GTF2F2: variants seen among roughly 807,000 people sequenced by gnomAD.
The protein encoded by GTF2F2 is ATP-dependent helicase GTF2F2.
In GTF2F2, 23 loss-of-function variants were observed where a neutral mutation model predicts 42.2. The observed-to-expected ratio is 0.55, with a 90% CI of 0.39 to 0.77. The LOEUF is 0.77. Ranked by LOEUF, GTF2F2 falls within the 30% of genes least tolerant of loss-of-function variation. The pLI is 0.00. For synonymous variants in GTF2F2, 105 were observed against 100.8 expected (o/e 1.04, Z -0.25); for missense variants, 261 against 287.2 (o/e 0.91, Z 0.66).
At chr13:45,246,333 T>C (rs1875613649) in intron 5 of GTF2F2, among the ~76,000 whole-genome samples, 1 of 152,114 alleles carries the variant, frequency 6.6e-6, no homozygotes, top group Admixed American at 6.5e-5. Context: ...TTTTAAATTA[T>C]AGCCATTCTT....
rs1466600512 is a variant in GTF2F2, at chr13:45,253,406, T to A, written c.486+436T>A. Among the ~76,000 whole-genome samples, 3 of 152,214 alleles carry A rather than the reference T, an allele frequency of 2.0e-5. No individual in the cohort carries two copies. In the East Asian group the frequency reaches 5.8e-4, roughly 29 times the overall value. ...AAGGTCATGGAACAGCAGTAATTTT[T>A]CTCATTGATTATTAAGATCACTTTG... On this transcript the variant is annotated intron_variant, in intron 6 of 7. Transcript: ENST00000340473.
intron 5 of GTF2F2, among the ~76,000 whole-genome samples, chr13:45,218,406 T>G (rs1873975949): frequency 6.6e-6 from 1 of 152,234 alleles, no homozygotes; most frequent in Non-Finnish European, 1.5e-5. Context: ...TTACAGATTT[T>G]GTTAAACAAG....
intron 2 of GTF2F2, among the ~76,000 whole-genome samples, chr13:45,146,976 A>G (rs1255282591): frequency 6.6e-6 from 1 of 152,254 alleles, no homozygotes; most frequent in Non-Finnish European, 1.5e-5. Flanking sequence ...ATTCTTTTAA[A>G]ATAAGTTTTA....
intron 6 of GTF2F2, among the ~76,000 whole-genome samples, chr13:45,265,412 C>T (rs1876523915): frequency 6.6e-6 from 1 of 152,142 alleles, no homozygotes; most frequent in Non-Finnish European, 1.5e-5. Context: ...CCTCCCCTCT[C>T]TAATCATTTT....
chr13:45,153,011 AT>A (rs374461737), intron 4 of GTF2F2, among the ~76,000 whole-genome samples: 33,147 of 141,460 alleles, frequency 0.23, 3,747 homozygotes, highest in African/African-American at 0.33. Flanking sequence ...ATCCTCGTAA[AT>A]TTTTTTTTTT....
chr13:45,203,942 C>G (rs747800931), intron 4 of GTF2F2, among the ~76,000 whole-genome samples: 10 of 152,002 alleles, frequency 6.6e-5, no homozygotes, highest in Non-Finnish European at 1.5e-4. Flanking sequence ...GAGGGGTCCC[C>G]GAGATCCTTT....
chr13:45,148,984 T>A (rs1870343675), intron 2 of GTF2F2, among the ~76,000 whole-genome samples: 1 of 152,140 alleles, frequency 6.6e-6, no homozygotes, highest in Non-Finnish European at 1.5e-5. Flanking sequence ...GCTCATAATT[T>A]AAATTATTAA....
chr13:45,170,637 T>C (rs1377729898), intron 4 of GTF2F2, among the ~76,000 whole-genome samples: 1 of 152,214 alleles, frequency 6.6e-6, no homozygotes, highest in East Asian at 1.9e-4. Flanking sequence ...AAAGGTTCTG[T>C]GGCTTTGAAG....
At chr13:45,171,023 G>T (rs61949170) in intron 4 of GTF2F2, among the ~76,000 whole-genome samples, 32,564 of 150,494 alleles carry the variant, frequency 0.22, 3,785 homozygotes, top group African/African-American at 0.26. Context: ...AACGTTGCTT[G>T]CATGAGGTGA....
At chr13:45,153,740 G>A (rs1046849567) in intron 4 of GTF2F2, among the ~76,000 whole-genome samples, 1 of 151,984 alleles carries the variant, frequency 6.6e-6, no homozygotes, top group Admixed American at 6.5e-5. Flanking sequence ...CACTTTGGGA[G>A]GCCAAGGTGG....
At chr13:45,254,331 A>T (rs143342995) in intron 6 of GTF2F2, among the ~76,000 whole-genome samples, 123 of 152,362 alleles carry the variant, frequency 8.1e-4, no homozygotes, top group African/African-American at 2.7e-3. Context: ...CAAGTGGGGC[A>T]GGGAGGTGTC....
intron 5 of GTF2F2, among the ~76,000 whole-genome samples, chr13:45,229,830 C>T (rs1352307965): frequency 6.6e-6 from 1 of 152,154 alleles, no homozygotes; most frequent in Non-Finnish European, 1.5e-5. Context: ...CCCCTGCCCC[C>T]ATACTTTCAG....
rs531355331 is a variant in GTF2F2 at position 45,264,563 on chromosome 13, G to A, written c.487-2670G>A. 1.0e-3 allele frequency among the ~76,000 whole-genome samples: 158 copies of A among 152,194 alleles called. 1 individual carries two copies. The highest frequency in any genetic ancestry group is 3.5e-3 in the African/African-American group (144 of 41,544). On this transcript the variant is annotated intron_variant, in intron 6 of 7. Transcript: ENST00000340473. ...TGGGATTACAGGCGTGAGCCACTGC[G>A]CCTGGCCCCATGATTTTTGAAAAAT...
intron 2 of GTF2F2, among the ~76,000 whole-genome samples, chr13:45,146,995 A>C (rs1343640587): frequency 6.6e-6 from 1 of 152,244 alleles, no homozygotes; most frequent in Non-Finnish European, 1.5e-5. Flanking sequence ...TAAGTCTTCA[A>C]GGATTAGCTT....
intron 7 of GTF2F2, among the ~76,000 whole-genome samples, chr13:45,275,717 G>A (rs1877005854): frequency 1.3e-5 from 2 of 152,060 alleles, no homozygotes; most frequent in Non-Finnish European, 2.9e-5. Context: ...GGACATTTGG[G>A]TTGGTTCCAA....
chr13:45,255,282 A>G (rs1876058019), intron 6 of GTF2F2, among the ~76,000 whole-genome samples: 1 of 152,202 alleles, frequency 6.6e-6, no homozygotes, highest in Non-Finnish European at 1.5e-5. Flanking sequence ...ATTTTATATG[A>G]AAGTAGCAAA....
chr13:45,218,395 T>C (rs1351223355), intron 5 of GTF2F2, among the ~76,000 whole-genome samples: 1 of 152,186 alleles, frequency 6.6e-6, no homozygotes, highest in Admixed American at 6.5e-5. Flanking sequence ...ATTGTGGTAA[T>C]TTACAGATTT....
chr13:45,214,997 C>T (rs188435432), intron 5 of GTF2F2, among the ~76,000 whole-genome samples: 1 of 152,018 alleles, frequency 6.6e-6, no homozygotes, highest in East Asian at 1.9e-4. Flanking sequence ...CCTAAGAAAA[C>T]CCTTTTCCTA....
intron 1 of GTF2F2, among the ~76,000 whole-genome samples, chr13:45,127,211 A>G (rs1405617714): frequency 6.6e-6 from 1 of 152,224 alleles, no homozygotes; most frequent in Non-Finnish European, 1.5e-5. Flanking sequence ...TTTGAATTAA[A>G]TAAGCTGGTG....
Sources: allele counts gnomAD v4.1 joint callset (sites outside exome capture counted in the v4.1 genomes callset), GRCh38; gene constraint gnomAD v4.1.1; transcripts MANE v1.5; gene names NCBI Gene and HGNC (gene_info 2026-07-23, HGNC 2026-07-21).